Variants in DYSF observed in about 807,000 individuals in gnomAD.
The protein encoded by DYSF is dysferlin.
In DYSF, 212 loss-of-function variants were observed where a neutral mutation model predicts 274.9. The ratio of observed to expected loss-of-function variants is 0.77; its 90% CI spans 0.69 to 0.86. The LOEUF is 0.86. Ranked by LOEUF, DYSF falls within the 40% of genes least tolerant of loss-of-function variation. The pLI is 0.00. For missense variants in DYSF, 2,666 were observed against 2,783.2 expected (o/e 0.96, Z 0.95); for synonymous variants, 1,091 against 1,078.7 (o/e 1.01, Z -0.22).
chr2:71,682,751 G>A, intron 55 of DYSF, 74 bp downstream of exon 55: 1 of 1,551,312 alleles, frequency 6.4e-7, no homozygotes, highest in South Asian at 1.2e-5. Context: ...TCCTCAAAGA[G>A]CTCTCCCAGT....
chr2:71,631,055 G>A (rs191848726), intron 41 of DYSF, among the ~76,000 whole-genome samples: 78 of 152,258 alleles, frequency 5.1e-4, no homozygotes, highest in African/African-American at 1.8e-3. Flanking sequence ...TTCCAGGTTG[G>A]GGGGATGTGG....
rs886056281 is a variant in DYSF at position 71,568,263 on chromosome 2, A to G, written c.2789A>G (p.Lys930Arg). 5 of 1,614,190 alleles carry G rather than the reference A, an allele frequency of 3.1e-6. No homozygotes were observed. In the African/African-American group the frequency reaches 4.0e-5, roughly 13 times the overall value. ...PKFSDVTGKIKLPKDSFRPSA... is the reference protein window; with the variant it reads ...PKFSDVTGKIRLPKDSFRPSA... The stretch of plus-strand genomic sequence containing the variant: ...TTTTCTGACGTCACGGGCAAGATCA[A>G]GCTACCCAAGGACAGCTTCCGCCCC... The change falls in exon 26 of 56, where the codon AAG (lysine) becomes AGG (arginine). Residue 930 changes from lysine (K) to arginine (R), a missense_variant. Coordinates refer to ENST00000410020, the MANE Select transcript of DYSF (RefSeq NM_001130987.2).
At chr2:71,570,054 C>T (rs1485140820) in intron 27 of DYSF, 120 bp downstream of exon 27, 4 of 1,104,386 alleles carry the variant, frequency 3.6e-6, no homozygotes, top group South Asian at 2.6e-5. Context: ...AGACTTCATG[C>T]TTTGATTTCC....
intron 14 of DYSF, 41 bp from the exon 15 acceptor site, chr2:71,534,980 C>T: frequency 6.2e-7 from 1 of 1,609,764 alleles, no homozygotes; most frequent in Non-Finnish European, 8.5e-7. Flanking sequence ...CCAGAGTCCC[C>T]ATGGAGCTTG....
At chr2:71,551,513 G>C in intron 18 of DYSF, 94 bp from the exon 19 acceptor site, 1 of 1,099,760 alleles carries the variant, frequency 9.1e-7, no homozygotes, top group Non-Finnish European at 1.3e-6. Flanking sequence ...CTGGGTGCCT[G>C]AGAGATGAGC....
At position 71,480,918 on chromosome 2, in the gene DYSF, G is replaced by GT. The variant is rs1573399606; in HGVS notation, c.128dup (p.Asn44GlufsTer6). On this transcript the variant is annotated frameshift_variant, in exon 2 of 56. Coordinates refer to ENST00000410020, the MANE Select transcript of DYSF (RefSeq NM_001130987.2). LOFTEE classifies it high-confidence loss of function. Reference sequence around the variant, plus strand: ...GAGAACCAAAGTCATCAAGAACAGCGTGAACCCTGTATGGAATGAGGTATG... The same window carrying GT: ...GAGAACCAAAGTCATCAAGAACAGCGTTGAACCCTGTATGGAATGAGGTATG... 1 of 1,614,146 alleles carries GT rather than the reference G, an allele frequency of 6.2e-7. No individual in the cohort carries two copies. Among genetic ancestry groups the GT allele is most frequent in the Non-Finnish European group, 8.5e-7 (1 of 1,179,968 alleles).
chr2:71,676,375 C>T (rs1189186420), intron 52 of DYSF, among the ~76,000 whole-genome samples: 2 of 151,698 alleles, frequency 1.3e-5, no homozygotes, highest in South Asian at 4.2e-4. Context: ...TTTTTTATTG[C>T]ATTTAAGGTA....
chr2:71,563,956 A>G, intron 23 of DYSF, 102 bp from the exon 24 acceptor site: 1 of 1,505,008 alleles, frequency 6.6e-7, no homozygotes, highest in Non-Finnish European at 9.2e-7. Context: ...GGGAGAGGAG[A>G]GGCCTCTGTG....
intron 1 of DYSF, among the ~76,000 whole-genome samples, chr2:71,457,611 C>T (rs573219557): frequency 4.6e-5 from 7 of 152,330 alleles, no homozygotes; most frequent in African/African-American, 1.7e-4. Flanking sequence ...CAAGCACAGA[C>T]ATCCTCAGCC....
intron 1 of DYSF, among the ~76,000 whole-genome samples, chr2:71,456,114 C>G (rs1385090762): frequency 6.6e-6 from 1 of 152,092 alleles, no homozygotes; most frequent in Non-Finnish European, 1.5e-5. Flanking sequence ...GAATCCTCTC[C>G]CCACCCCCAT....
At position 71,570,883 on chromosome 2, in the gene DYSF, CAGATCACACCCAGCATACCCAA is replaced by C. The variant is rs1265903256; in HGVS notation, c.3228+161_3228+182del. On this transcript the variant is annotated intron_variant, in intron 29 of 55. Transcript: ENST00000410020. Reference sequence around the variant, plus strand: ...ACCTGGGACTCACTGGAGGTGCTCACAGATCACACCCAGCATACCCAAAGATCACACCCAGCATACACACAGA... The same window carrying C: ...ACCTGGGACTCACTGGAGGTGCTCACAGATCACACCCAGCATACACACAGA... 194 of 1,230,400 alleles carry C rather than the reference CAGATCACACCCAGCATACCCAA, an allele frequency of 1.6e-4. No homozygotes were observed. In the Middle Eastern group the frequency reaches 4.5e-3, roughly 28 times the overall value. 76.2% of individuals were successfully genotyped at this position (1,230,400 alleles called of 1,614,324 possible). A position where few individuals can be genotyped will look rare whatever the true frequency, so the allele number is the denominator to read the frequency against.
rs769802282 is a variant in DYSF at position 71,513,853 on chromosome 2, G to A, written c.691G>A (p.Gly231Arg). The change falls in exon 7 of 56, where the codon GGG (glycine) becomes AGG (arginine). Residue 231 changes from glycine (G) to arginine (R), a missense_variant. By Grantham distance (125) the Gly-to-Arg change is moderately radical. Coordinates refer to ENST00000410020, the MANE Select transcript of DYSF (RefSeq NM_001130987.2). ...LPSRPPPHYP[G>R]IKRKRSAPTS... ...TTCACGTCCTCCGCCCCACTACCCC[G>A]GGATCAAAAGAAAGCGAAGTGCGCC... The A allele has an allele frequency of 1.5e-5, 25 of 1,614,194 alleles. No individual in the cohort carries two copies. The highest frequency in any genetic ancestry group is 6.7e-5 in the African/African-American group (5 of 75,060).
At chr2:71,482,110 G>A (rs1179832741) in intron 3 of DYSF, 140 bp downstream of exon 3, 8 of 689,092 alleles carry the variant, frequency 1.2e-5, no homozygotes, top group Non-Finnish European at 1.8e-5. Flanking sequence ...GACTGGCCCA[G>A]TGATAGATGT....
intron 42 of DYSF, among the ~76,000 whole-genome samples, chr2:71,647,738 G>A (rs2094589438): frequency 6.6e-6 from 1 of 152,210 alleles, no homozygotes; most frequent in African/African-American, 2.4e-5. Flanking sequence ...ATGGAAGAAT[G>A]TTGATAATTA....
chr2:71,609,833 C>G (rs942299109), intron 36 of DYSF, among the ~76,000 whole-genome samples: 1 of 152,218 alleles, frequency 6.6e-6, no homozygotes, highest in Non-Finnish European at 1.5e-5. Flanking sequence ...GCTTTGACTG[C>G]TCCCACCATC....
chr2:71,548,693 G>A (rs1046548241), intron 17 of DYSF, among the ~76,000 whole-genome samples: 5 of 152,222 alleles, frequency 3.3e-5, no homozygotes, highest in Admixed American at 1.3e-4. Context: ...AGTGTGTAGC[G>A]TGTTCAGCTT....
chr2:71,682,459 T>TCCAA (rs2095308135), intron 54 of DYSF, 71 bp from the exon 55 acceptor site: 14 of 1,604,524 alleles, frequency 8.7e-6, no homozygotes, highest in Non-Finnish European at 1.2e-5. Context: ...GGACCTGCTG[T>TCCAA]TGAGAGAAGA....
intron 30 of DYSF, among the ~76,000 whole-genome samples, chr2:71,580,279 T>G (rs2092844688): frequency 6.6e-6 from 1 of 151,828 alleles, no homozygotes; most frequent in African/African-American, 2.4e-5. Flanking sequence ...CTCCAGAGGG[T>G]TGGTGGAGGC....
chr2:71,583,647 A>G (rs752280649), intron 30 of DYSF, among the ~76,000 whole-genome samples: 38 of 152,176 alleles, frequency 2.5e-4, no homozygotes, highest in Admixed American at 4.6e-4. Context: ...GTTTAGACCA[A>G]GGCACCATTG....
Sources: allele counts gnomAD v4.1 joint callset (sites outside exome capture counted in the v4.1 genomes callset), GRCh38; gene constraint gnomAD v4.1.1; transcripts MANE v1.5; gene names NCBI Gene and HGNC (gene_info 2026-07-23, HGNC 2026-07-21).